The following DCC variants were observed in gnomAD, a reference collection of about 807,000 sequenced individuals.
The protein encoded by DCC is netrin receptor DCC.
A neutral mutation model predicts 172.5 loss-of-function variants in DCC; 58 were observed. The ratio of observed to expected loss-of-function variants is 0.34; its 90% confidence interval spans 0.27 to 0.42. The LOEUF (loss-of-function observed/expected upper bound fraction) is 0.42. Among genes scored for constraint, DCC ranks in the 10% least tolerant of loss-of-function variants. DCC has a pLI of 1.00. For missense variants in DCC, 1,740 were observed against 1,791.0 expected (o/e 0.97, Z 0.51); for synonymous variants, 709 against 644.5 (o/e 1.10, Z -1.52).
intron 15 of DCC, among the ~76,000 whole-genome samples, chr18:53,385,021 C>CTTTTTT (rs35779527): frequency 1.5e-5 from 2 of 131,054 alleles, no homozygotes; most frequent in Non-Finnish European, 1.6e-5. Context: ...TAATTTTTTT[C>CTTTTTT]TTTTTTTTTT....
intron 1 of DCC, among the ~76,000 whole-genome samples, chr18:52,395,324 A>G (rs1271618162): frequency 6.6e-6 from 1 of 152,058 alleles, no homozygotes; most frequent in Non-Finnish European, 1.5e-5. Flanking sequence ...TCACAAGACC[A>G]CTCAAACAAG....
At chr18:52,911,214 G>C (rs968745099) in intron 3 of DCC, among the ~76,000 whole-genome samples, 1 of 152,086 alleles carries the variant, frequency 6.6e-6, no homozygotes. Flanking sequence ...AAGCCAGGTA[G>C]TTAATTCGCG....
chr18:53,279,884 A>G (rs1249350658), intron 12 of DCC, among the ~76,000 whole-genome samples: 1 of 152,076 alleles, frequency 6.6e-6, no homozygotes, highest in African/African-American at 2.4e-5. Flanking sequence ...AGAGGTAAAC[A>G]TTGAGTGCAC....
chr18:52,457,013 A>C (rs954494309), intron 1 of DCC, among the ~76,000 whole-genome samples: 6 of 152,126 alleles, frequency 3.9e-5, no homozygotes, highest in Non-Finnish European at 1.5e-5. Flanking sequence ...AATCCCAATT[A>C]TACTTCACTT....
chr18:53,367,056 C>T (rs2058013291), intron 15 of DCC, among the ~76,000 whole-genome samples: 1 of 152,150 alleles, frequency 6.6e-6, no homozygotes, highest in Non-Finnish European at 1.5e-5. Context: ...GTTTTTGACA[C>T]AGTTTATGCC....
intron 1 of DCC, among the ~76,000 whole-genome samples, chr18:52,418,858 C>CTT (rs11313758): frequency 1.4e-4 from 13 of 92,960 alleles, no homozygotes; most frequent in Non-Finnish European, 1.8e-4. Flanking sequence ...TTCTTTCTTT[C>CTT]TTTTTTTTTT....
intron 1 of DCC, among the ~76,000 whole-genome samples, chr18:52,467,243 G>T (rs548472620): frequency 6.6e-6 from 1 of 151,574 alleles, no homozygotes; most frequent in Non-Finnish European, 1.5e-5. Flanking sequence ...TCCTCTCCCT[G>T]TGTCCATGTG....
At chr18:52,850,356 C>G (rs1157014059) in intron 2 of DCC, among the ~76,000 whole-genome samples, 1 of 152,148 alleles carries the variant, frequency 6.6e-6, no homozygotes, top group Non-Finnish European at 1.5e-5. Context: ...AAACATTTCT[C>G]AGAAATATAT....
intron 5 of DCC, among the ~76,000 whole-genome samples, chr18:52,927,096 CGTGTATAT>C (rs2040222219): frequency 9.5e-6 from 1 of 105,244 alleles, no homozygotes; most frequent in African/African-American, 3.8e-5. Flanking sequence ...CACGTATATA[CGTGTATAT>C]ACACGTATAT....
chr18:52,447,212 G>A (rs567514838), intron 1 of DCC, among the ~76,000 whole-genome samples: 5 of 152,256 alleles, frequency 3.3e-5, no homozygotes, highest in Admixed American at 1.3e-4. Flanking sequence ...CGTCTTAGTC[G>A]ATAATACTCT....
At chr18:52,470,516 C>A (rs1988916791) in intron 1 of DCC, among the ~76,000 whole-genome samples, 1 of 152,082 alleles carries the variant, frequency 6.6e-6, no homozygotes, top group Admixed American at 6.5e-5. Context: ...ACTCTGGGAT[C>A]CATCAGATTA....
intron 3 of DCC, among the ~76,000 whole-genome samples, chr18:52,916,160 C>G (rs1370335425): frequency 1.3e-5 from 2 of 151,292 alleles, no homozygotes; most frequent in East Asian, 3.9e-4. Context: ...ATGGGTTTTG[C>G]ATGGTAAACA....
intron 1 of DCC, among the ~76,000 whole-genome samples, chr18:52,412,413 A>G (rs999567351): frequency 6.6e-6 from 1 of 152,104 alleles, no homozygotes; most frequent in Non-Finnish European, 1.5e-5. Flanking sequence ...AAAGCAATAT[A>G]TACTATACTA....
chr18:53,511,821 G>A (rs959428596), intron 27 of DCC, among the ~76,000 whole-genome samples: 15 of 151,744 alleles, frequency 9.9e-5, no homozygotes, highest in Admixed American at 5.2e-4. Context: ...CGCCCACGGA[G>A]TCTCGCTGAT....
intron 1 of DCC, among the ~76,000 whole-genome samples, chr18:52,719,873 C>T (rs568339161): frequency 2.6e-5 from 4 of 152,214 alleles, no homozygotes; most frequent in African/African-American, 7.2e-5. Context: ...GAGCAAGGCC[C>T]GGCAGGGCAT....
chr18:52,560,800 G>A (rs1048889439), intron 1 of DCC, among the ~76,000 whole-genome samples: 1 of 152,144 alleles, frequency 6.6e-6, no homozygotes, highest in African/African-American at 2.4e-5. Context: ...ATGTGGTATG[G>A]TGTGTGAAAT....
At chr18:52,999,709 G>C (rs371145794) in intron 5 of DCC, among the ~76,000 whole-genome samples, 2 of 152,062 alleles carry the variant, frequency 1.3e-5, no homozygotes, top group East Asian at 1.9e-4. Flanking sequence ...ATTTAGGAGA[G>C]AGACTTCATA....
rs115367043 is a variant in DCC, at chr18:53,045,319, T to G, written c.986-17986T>G. ...TCAGTCTGAAATGCAAGGACAAAAA[T>G]GTAAGATTACAGCAATTCTTAGTTA... On this transcript the variant is annotated intron_variant, in intron 5 of 28. Coordinates refer to ENST00000442544, the MANE Select transcript of DCC (RefSeq NM_005215.4). Among the ~76,000 whole-genome samples, 1,099 of 151,966 alleles carry G rather than the reference T, an allele frequency of 7.2e-3. 17 individuals are homozygous for G. Among genetic ancestry groups the G allele is most frequent in the African/African-American group, 0.025 (1,033 of 41,524 alleles).
intron 1 of DCC, among the ~76,000 whole-genome samples, chr18:52,540,431 A>T (rs1328077051): frequency 6.6e-6 from 1 of 152,068 alleles, no homozygotes; most frequent in African/African-American, 2.4e-5. Flanking sequence ...TGACTCAAAA[A>T]AAAACCATAT....
Sources: allele counts gnomAD v4.1 joint callset (sites outside exome capture counted in the v4.1 genomes callset), GRCh38; gene constraint gnomAD v4.1.1; transcripts MANE v1.5; gene names NCBI Gene and HGNC (gene_info 2026-07-23, HGNC 2026-07-21).